RAP2A: variants seen among roughly 807,000 people sequenced by gnomAD.
RAP2A encodes RAP2A, member of RAS oncogene family, also known as ras-related protein Rap-2a.
A neutral mutation model predicts 15.1 loss-of-function variants in RAP2A; 5 were observed. That is an observed-to-expected ratio of 0.33 (90% CI 0.17 to 0.70). RAP2A has a LOEUF of 0.70. Ranked by LOEUF, RAP2A falls within the 30% of genes least tolerant of loss-of-function variation. The pLI, the probability that RAP2A is intolerant of heterozygous loss-of-function variation, is 0.68. For synonymous variants in RAP2A, 110 were observed against 99.7 expected (o/e 1.10, Z -0.62); for missense variants, 111 against 240.3 (o/e 0.46, Z 3.56).
At chr13:97,439,510 C>T (rs1224763798) in intron 1 of RAP2A, among the ~76,000 whole-genome samples, 1 of 152,060 alleles carries the variant, frequency 6.6e-6, no homozygotes, top group Non-Finnish European at 1.5e-5. Flanking sequence ...TTGAAATGAA[C>T]AAATAGGATT....
chr13:97,453,619 T>G (rs1289988338), intron 1 of RAP2A, among the ~76,000 whole-genome samples: 3 of 151,028 alleles, frequency 2.0e-5, no homozygotes, highest in Non-Finnish European at 4.4e-5. Context: ...TGTTTACCCA[T>G]TCACTTGAAG....
Position 97,434,701 on chromosome 13 carries a change from C to G in RAP2A, c.231C>G (p.Gly77=). Residue 77 remains glycine (G), a synonymous_variant, in exon 1 of 2, where the codon GGC becomes GGG. Transcript: ENST00000245304. The part of the protein sequence containing the change: ...MRDLYIKNGQ[G]FILVYSLVNQ... The stretch of plus-strand genomic sequence containing the variant: ...ACCTGTACATCAAGAACGGCCAGGG[C>G]TTCATCCTCGTCTACAGCCTCGTCA... The G allele has an allele frequency of 6.2e-7, 1 of 1,614,132 alleles. No individual in the cohort carries two copies. The highest frequency in any genetic ancestry group is 8.5e-7 in the Non-Finnish European group (1 of 1,180,016).
At chr13:97,446,585 G>A (rs1315490632) in intron 1 of RAP2A, among the ~76,000 whole-genome samples, 1 of 152,206 alleles carries the variant, frequency 6.6e-6, no homozygotes, top group African/African-American at 2.4e-5. Flanking sequence ...TATGCTGGAA[G>A]TGATAACCAA....
intron 1 of RAP2A, among the ~76,000 whole-genome samples, chr13:97,443,819 T>G (rs2066668080): frequency 6.6e-6 from 1 of 152,234 alleles, no homozygotes; most frequent in Non-Finnish European, 1.5e-5. Flanking sequence ...GTTAATCTCA[T>G]TAAAGCTGAG....
chr13:97,440,188 A>C (rs1224042846), intron 1 of RAP2A, among the ~76,000 whole-genome samples: 1 of 152,152 alleles, frequency 6.6e-6, no homozygotes, highest in Non-Finnish European at 1.5e-5. Flanking sequence ...ACCAAAACTT[A>C]ATTCAAAGCT....
chr13:97,441,026 AT>A (rs1335424919), intron 1 of RAP2A, among the ~76,000 whole-genome samples: 1 of 152,190 alleles, frequency 6.6e-6, no homozygotes, highest in East Asian at 1.9e-4. Context: ...TTTTGGCTGC[AT>A]TGTAAAATTA....
At chr13:97,440,698 T>C (rs985041766) in intron 1 of RAP2A, among the ~76,000 whole-genome samples, 3 of 152,184 alleles carry the variant, frequency 2.0e-5, no homozygotes, top group South Asian at 2.1e-4. Context: ...ATTTAATGTG[T>C]ACAACTCAGT....
At chr13:97,461,497 A>G (rs2066745676) in intron 1 of RAP2A, among the ~76,000 whole-genome samples, 2 of 152,186 alleles carry the variant, frequency 1.3e-5, no homozygotes, top group African/African-American at 4.8e-5. Context: ...TGTGTTTGCA[A>G]TATTTTATTT....
At chr13:97,458,390 G>GTA (rs2066732797) in intron 1 of RAP2A, among the ~76,000 whole-genome samples, 1 of 152,126 alleles carries the variant, frequency 6.6e-6, no homozygotes, top group Admixed American at 6.6e-5. Context: ...GACAGTAGTG[G>GTA]TATCTGTCTA....
At chr13:97,446,523 T>TCCTCTCCCTTTGAGTCTGTGCTG (rs2066680284) in intron 1 of RAP2A, among the ~76,000 whole-genome samples, 1 of 152,214 alleles carries the variant, frequency 6.6e-6, no homozygotes, top group African/African-American at 2.4e-5. Flanking sequence ...AGGATCTGTT[T>TCCTCTCCCTTTGAGTCTGTGCTG]CCTCTCCCTT....
At chr13:97,436,292 T>TA (rs1297499337) in intron 1 of RAP2A, 22 of 152,296 alleles carry the variant, frequency 1.4e-4, no homozygotes, top group African/African-American at 5.3e-4. Flanking sequence ...GGATGGCATT[T>TA]AAGGGGCTAC....
intron 1 of RAP2A, among the ~76,000 whole-genome samples, chr13:97,451,588 G>A (rs1026698687): frequency 1.1e-4 from 17 of 152,170 alleles, no homozygotes; most frequent in Non-Finnish European, 2.5e-4. Flanking sequence ...GGGGCATCTG[G>A]ATAGTTTCTA....
chr13:97,448,322 C>T (rs771827321), intron 1 of RAP2A, among the ~76,000 whole-genome samples: 15 of 152,270 alleles, frequency 9.9e-5, no homozygotes, highest in Non-Finnish European at 1.8e-4. Flanking sequence ...AACTGCCTTA[C>T]TAACAGACGA....
At position 97,468,571 on chromosome 13, in the gene RAP2A, C is replaced by G. The variant is rs533977666; in HGVS notation, c.*4129C>G. ...CTTTTGGTTATGTTGCCTTCAAACT[C>G]TGTTGAAATCCTCTGGCAGCATTCC... On this transcript the variant is annotated 3_prime_UTR_variant, in exon 2 of 2. Transcript: ENST00000245304. 11 of 152,330 alleles carry G rather than the reference C, an allele frequency of 7.2e-5. No individual in the cohort carries two copies. The highest frequency in any genetic ancestry group is 1.5e-4 in the Non-Finnish European group (10 of 68,036). The allele number at this position is 152,330 out of a possible 1,614,324, so 9.4% of individuals were successfully genotyped here. A position where few individuals can be genotyped will look rare whatever the true frequency, so the allele number is the denominator to read the frequency against.
chr13:97,461,986 ATATTTATATATT>A (rs1233114668), intron 1 of RAP2A, among the ~76,000 whole-genome samples: 2 of 144,304 alleles, frequency 1.4e-5, no homozygotes, highest in African/African-American at 5.1e-5. Flanking sequence ...ATATATATAT[ATATTTATATATT>A]TATATTTATA....
chr13:97,458,040 A>G (rs1449537151), intron 1 of RAP2A, among the ~76,000 whole-genome samples: 2 of 152,192 alleles, frequency 1.3e-5, no homozygotes, highest in African/African-American at 4.8e-5. Flanking sequence ...CAGACCTGAC[A>G]GTACAAAATG....
chr13:97,460,100 G>A (rs947797129), intron 1 of RAP2A, among the ~76,000 whole-genome samples: 1 of 152,206 alleles, frequency 6.6e-6, no homozygotes, highest in Admixed American at 6.5e-5. Flanking sequence ...GGTCATGAGT[G>A]CATTTTGGAG....
At chr13:97,449,961 TG>T (rs1376051697) in intron 1 of RAP2A, among the ~76,000 whole-genome samples, 7 of 150,042 alleles carry the variant, frequency 4.7e-5, no homozygotes, top group African/African-American at 1.8e-4. Context: ...ATTCAGTGTT[TG>T]GGGTTTTTTT....
At chr13:97,463,119 AACAC>A (rs10582343) in intron 1 of RAP2A, among the ~76,000 whole-genome samples, 3 of 151,552 alleles carry the variant, frequency 2.0e-5, no homozygotes, top group Non-Finnish European at 2.9e-5. Context: ...CACACACACA[AACAC>A]ACACACACAC....
Sources: allele counts gnomAD v4.1 joint callset (sites outside exome capture counted in the v4.1 genomes callset), GRCh38; gene constraint gnomAD v4.1.1; transcripts MANE v1.5; gene names NCBI Gene and HGNC (gene_info 2026-07-23, HGNC 2026-07-21).